Variants in LGSN observed in about 807,000 individuals in gnomAD.
LGSN encodes the protein lengsin.
In LGSN, 21 loss-of-function variants were observed where a neutral mutation model predicts 19.5. The observed-to-expected ratio is 1.07, with a 90% CI of 0.76 to 1.55. The LOEUF is 1.55. Ranked by LOEUF, LGSN falls within the 40% of genes most tolerant of loss-of-function variation. LGSN has a pLI of 0.00. For synonymous variants in LGSN, 257 were observed against 215.6 expected (o/e 1.19, Z -1.68); for missense variants, 673 against 608.5 (o/e 1.11, Z -1.12).
At chr6:63,548,895 A>T in the LGSN span, 1 of 864,748 alleles carries the variant, frequency 1.2e-6, no homozygotes, top group South Asian at 1.3e-5. Context: ...GTTAACCTGT[A>T]TGAAGGCGAC....
chr6:63,356,812 AT>A, the LGSN span, among the ~76,000 whole-genome samples: 1 of 152,106 alleles, frequency 6.6e-6, no homozygotes, highest in South Asian at 2.1e-4. Context: ...TTACAAAGAA[AT>A]GTAAGTTAAA....
At chr6:63,326,991 G>A in the LGSN span, among the ~76,000 whole-genome samples, 3 of 152,368 alleles carry the variant, frequency 2.0e-5, no homozygotes, top group Admixed American at 1.3e-4. Context: ...AGGGCTGTGA[G>A]GACTGCCAGC....
rs760167561 is a variant in LGSN, at chr6:63,280,486, G to A, written c.1065C>T (p.Leu355=). ...TAACAGAAGGCGCCATCAGGCAGCT[G>A]AGCGCAGCAGAGTGCTTCAAGAGTC... The part of the protein sequence containing the change: ...LAGLLKHSAA[L]SCLMAPSVSC... The change falls in exon 4 of 4, where the codon CTC becomes CTT. Residue 355 remains leucine, a synonymous_variant. Coordinates refer to ENST00000370657, the MANE Select transcript of LGSN (RefSeq NM_016571.3). The A allele has an allele frequency of 6.2e-7, 1 of 1,614,128 alleles. No homozygotes were observed. The highest frequency in any genetic ancestry group is 8.5e-7 in the Non-Finnish European group (1 of 1,180,036).
At chr6:63,328,262 G>C in the LGSN span, among the ~76,000 whole-genome samples, 1 of 152,126 alleles carries the variant, frequency 6.6e-6, no homozygotes, top group Non-Finnish European at 1.5e-5. Context: ...ATTAGTTAAG[G>C]GGACTTCTAA....
chr6:63,449,781 C>A, the LGSN span, among the ~76,000 whole-genome samples: 1 of 151,984 alleles, frequency 6.6e-6, no homozygotes, highest in African/African-American at 2.4e-5. Context: ...TCCTAAGAAA[C>A]AACAGAAACA....
At chr6:63,487,792 C>A in the LGSN span, among the ~76,000 whole-genome samples, 2 of 152,244 alleles carry the variant, frequency 1.3e-5, no homozygotes, top group African/African-American at 4.8e-5. Context: ...ACCAGCCTGG[C>A]CAATGTGGTG....
At chr6:63,535,894 T>A in the LGSN span, among the ~76,000 whole-genome samples, 8 of 152,208 alleles carry the variant, frequency 5.3e-5, no homozygotes, top group Non-Finnish European at 1.2e-4. Context: ...TGCTTCAGCC[T>A]CCCGAGTATC....
At chr6:63,323,943 T>G (rs1383589446), upstream of LGSN, among the ~76,000 whole-genome samples, 1 of 151,972 alleles carries the variant, frequency 6.6e-6, no homozygotes, top group Non-Finnish European at 1.5e-5. Context: ...GGATAACTTT[T>G]AGTATTTTTA....
chr6:63,296,842 C>T (rs1469532249), intron 1 of LGSN, among the ~76,000 whole-genome samples: 1 of 151,988 alleles, frequency 6.6e-6, no homozygotes, highest in East Asian at 1.9e-4. Context: ...TGCCCCAGGC[C>T]ACAAGAGTGA....
At chr6:63,478,215 C>G in the LGSN span, among the ~76,000 whole-genome samples, 1 of 151,838 alleles carries the variant, frequency 6.6e-6, no homozygotes, top group Non-Finnish European at 1.5e-5. Flanking sequence ...TAAGTTAAAC[C>G]AAAAAGGCTA....
At chr6:63,332,902 C>T in the LGSN span, among the ~76,000 whole-genome samples, 1 of 152,046 alleles carries the variant, frequency 6.6e-6, no homozygotes, top group African/African-American at 2.4e-5. Flanking sequence ...CAGAATGAAG[C>T]CACGGACCCT....
chr6:63,486,145 T>G, the LGSN span, among the ~76,000 whole-genome samples: 4 of 152,160 alleles, frequency 2.6e-5, no homozygotes, highest in Admixed American at 1.3e-4. Flanking sequence ...TTGACAAAAC[T>G]AATAAATTTG....
the LGSN span, among the ~76,000 whole-genome samples, chr6:63,509,711 T>C: frequency 6.6e-6 from 1 of 152,186 alleles, no homozygotes; most frequent in African/African-American, 2.4e-5. Context: ...ATTTAATACG[T>C]TATAACAGTA....
At chr6:63,529,094 T>A in the LGSN span, among the ~76,000 whole-genome samples, 1 of 148,928 alleles carries the variant, frequency 6.7e-6, no homozygotes, top group African/African-American at 2.5e-5. Context: ...CATCTCAAAA[T>A]ATATATATGT....
At chr6:63,408,675 C>T in the LGSN span, among the ~76,000 whole-genome samples, 1 of 150,978 alleles carries the variant, frequency 6.6e-6, no homozygotes, top group African/African-American at 2.5e-5. Context: ...CCAAAAGTGA[C>T]AAATGGGATC....
chr6:63,518,572 C>T, the LGSN span, among the ~76,000 whole-genome samples: 1 of 152,050 alleles, frequency 6.6e-6, no homozygotes, highest in Admixed American at 6.6e-5. Context: ...CAGTATTTTA[C>T]AGAAAAAGAA....
At chr6:63,324,675 A>G (rs1040946448), upstream of LGSN, among the ~76,000 whole-genome samples, 2 of 152,164 alleles carry the variant, frequency 1.3e-5, no homozygotes, top group African/African-American at 4.8e-5. Context: ...TCACTGGGTC[A>G]ATGAAGAAAT....
chr6:63,457,271 G>A, the LGSN span, among the ~76,000 whole-genome samples: 84 of 152,050 alleles, frequency 5.5e-4, no homozygotes, highest in Non-Finnish European at 7.2e-4. Flanking sequence ...TTGGGAGTCC[G>A]AGGCGGGTGG....
the LGSN span, among the ~76,000 whole-genome samples, chr6:63,527,668 T>C: frequency 6.6e-6 from 1 of 152,188 alleles, no homozygotes; most frequent in Non-Finnish European, 1.5e-5. Flanking sequence ...TAAGTAACCA[T>C]GTCCAAGGTC....
Sources: allele counts gnomAD v4.1 joint callset (sites outside exome capture counted in the v4.1 genomes callset), GRCh38; gene constraint gnomAD v4.1.1; transcripts MANE v1.5; gene names NCBI Gene and HGNC (gene_info 2026-07-23, HGNC 2026-07-21).